The following GPALPP1 variants were observed in gnomAD, a reference collection of about 807,000 sequenced individuals.
GPALPP1 encodes GPALPP motifs containing 1, also known as GPALPP motifs-containing protein 1.
Under a neutral mutation model 38.9 loss-of-function variants are expected in GPALPP1, and 30 were observed. That is an observed-to-expected ratio of 0.77 (90% CI 0.58 to 1.05). The LOEUF (loss-of-function observed/expected upper bound fraction) is 1.05. Ranked by LOEUF, GPALPP1 falls within the 50% of genes least tolerant of loss-of-function variation. GPALPP1 has a pLI of 0.00. For synonymous variants in GPALPP1, 120 were observed against 139.2 expected (o/e 0.86, Z 0.97); for missense variants, 384 against 408.8 (o/e 0.94, Z 0.52).
At chr13:44,990,489 C>G (rs1872716121) in intron 1 of GPALPP1, 1 of 152,386 alleles carries the variant, frequency 6.6e-6, no homozygotes. Flanking sequence ...ATATTTAGTA[C>G]ACTGTATTTG....
At chr13:45,027,141 C>T (rs1875888935) in intron 7 of GPALPP1, among the ~76,000 whole-genome samples, 1 of 152,154 alleles carries the variant, frequency 6.6e-6, no homozygotes, top group Non-Finnish European at 1.5e-5. Context: ...TTTTCCATCT[C>T]CCTCCCTGCT....
chr13:45,029,544 A>G lies in GPALPP1; in HGVS notation c.*1541A>G, dbSNP rs1876084166. ...TGTGGTGTCTCACAAGTACCCTCTAAGGTCTGGTCAGGACTGACCACCAAA... is the reference window on the plus strand; with the variant it reads ...TGTGGTGTCTCACAAGTACCCTCTAGGGTCTGGTCAGGACTGACCACCAAA... On this transcript the variant is annotated 3_prime_UTR_variant, in exon 8 of 8. Coordinates refer to ENST00000379151, the MANE Select transcript of GPALPP1 (RefSeq NM_018559.5). 1 of 152,118 alleles carries G rather than the reference A, an allele frequency of 6.6e-6. No individual in the cohort carries two copies. The highest frequency in any genetic ancestry group is 6.6e-5 in the Admixed American group (1 of 15,266). The allele number at this position is 152,118 out of a possible 1,614,324, so 9.4% of individuals were successfully genotyped here.
intron 6 of GPALPP1, among the ~76,000 whole-genome samples, chr13:45,017,130 T>C (rs1304662658): frequency 6.6e-6 from 1 of 152,230 alleles, no homozygotes; most frequent in African/African-American, 2.4e-5. Flanking sequence ...ATGATCAATT[T>C]TCCTGTTTTG....
At chr13:44,995,807 C>G (rs569773346) in intron 1 of GPALPP1, among the ~76,000 whole-genome samples, 75 of 152,296 alleles carry the variant, frequency 4.9e-4, no homozygotes, top group Non-Finnish European at 1.0e-3. Flanking sequence ...TGAGATTCTG[C>G]ATTTCTGACA....
intron 1 of GPALPP1, among the ~76,000 whole-genome samples, chr13:44,998,026 CA>C (rs1873416370): frequency 6.6e-6 from 1 of 152,208 alleles, no homozygotes; most frequent in Admixed American, 6.5e-5. Flanking sequence ...CCCCAATCTG[CA>C]ACCTTGGCTT....
intron 1 of GPALPP1, chr13:44,990,538 A>G (rs900565467): frequency 3.9e-5 from 6 of 152,164 alleles, no homozygotes; most frequent in East Asian, 3.9e-4. Context: ...CCATTGCACT[A>G]TGGTCTTCTA....
Position 45,028,167 on chromosome 13 carries a change from G to T in GPALPP1, c.*164G>T. The T allele has an allele frequency of 2.5e-6, 1 of 394,208 alleles. No individual in the cohort carries two copies. The highest frequency in any genetic ancestry group is 4.3e-5 in the East Asian group (1 of 23,500). The allele number at this position is 394,208 out of a possible 1,614,324, so 24.4% of individuals were successfully genotyped here. ...GTGATTTTTGAAAAGTCAGCCTTGT[G>T]GGATGAAAAATATGTCTTACTGGAA... On this transcript the variant is annotated 3_prime_UTR_variant, in exon 8 of 8. Coordinates refer to ENST00000379151, the MANE Select transcript of GPALPP1 (RefSeq NM_018559.5).
At chr13:45,003,389 A>G (rs1409371330) in intron 1 of GPALPP1, among the ~76,000 whole-genome samples, 1 of 152,196 alleles carries the variant, frequency 6.6e-6, no homozygotes, top group Non-Finnish European at 1.5e-5. Flanking sequence ...TATAATATTG[A>G]ATGAATGGCA....
chr13:44,999,449 T>A (rs766846810), intron 1 of GPALPP1, among the ~76,000 whole-genome samples: 1 of 152,220 alleles, frequency 6.6e-6, no homozygotes, highest in Non-Finnish European at 1.5e-5. Context: ...AATAGTTCAT[T>A]ACATGTTCCC....
chr13:45,030,403 G>A (rs373670795), downstream of GPALPP1: 18 of 151,986 alleles, frequency 1.2e-4, no homozygotes, highest in Admixed American at 6.6e-4. Flanking sequence ...TTTGAGAGAT[G>A]GAGTCTTGCT....
At chr13:45,032,909 C>T (rs527445623), downstream of GPALPP1, among the ~76,000 whole-genome samples, 11 of 151,510 alleles carry the variant, frequency 7.3e-5, no homozygotes, top group South Asian at 2.1e-4. Flanking sequence ...TGGCGGTGTG[C>T]GCCTGTAGTC....
chr13:45,011,394 T>C (rs565728759), intron 4 of GPALPP1, among the ~76,000 whole-genome samples: 2 of 152,236 alleles, frequency 1.3e-5, no homozygotes, highest in Non-Finnish European at 2.9e-5. Flanking sequence ...ATACCCAAGA[T>C]TGCGTAATTT....
At chr13:45,012,602 G>A (rs1174717167) in intron 4 of GPALPP1, among the ~76,000 whole-genome samples, 1 of 152,144 alleles carries the variant, frequency 6.6e-6, no homozygotes, top group Non-Finnish European at 1.5e-5. Flanking sequence ...GTTAGCAAAT[G>A]AGTAGCTTAC....
At position 45,021,530 on chromosome 13, in the gene GPALPP1, A is replaced by G. The variant is rs183132788; in HGVS notation, c.804+1102A>G. ...CCAGATGTAGTGGCTCATGTCTATA[A>G]TCCCAGCACTTTGGAATGCTGAGGC... On this transcript the variant is annotated intron_variant, in intron 7 of 7. Transcript: ENST00000379151. Among the ~76,000 whole-genome samples, 8 of 152,212 alleles carry G rather than the reference A, an allele frequency of 5.3e-5. No individual in the cohort carries two copies. The East Asian group carries it at 1.4e-3, about 26-fold the overall frequency.
At chr13:45,021,958 A>G (rs916661794) in intron 7 of GPALPP1, among the ~76,000 whole-genome samples, 3 of 152,224 alleles carry the variant, frequency 2.0e-5, no homozygotes, top group Admixed American at 6.5e-5. Flanking sequence ...ATATCCACAC[A>G]AAGAGTTGAA....
chr13:45,014,584 TTG>T (rs951729919), intron 4 of GPALPP1, among the ~76,000 whole-genome samples: 8 of 151,758 alleles, frequency 5.3e-5, no homozygotes, highest in Non-Finnish European at 1.0e-4. Context: ...AAGAGTATGT[TTG>T]TGTGTGTGTG....
At chr13:45,011,473 C>T (rs773012019) in intron 4 of GPALPP1, among the ~76,000 whole-genome samples, 18 of 152,084 alleles carry the variant, frequency 1.2e-4, no homozygotes, top group Admixed American at 2.6e-4. Context: ...CCTACAATCA[C>T]GGTGGAAGGG....
At chr13:44,995,759 A>C (rs1873222777) in intron 1 of GPALPP1, among the ~76,000 whole-genome samples, 1 of 152,158 alleles carries the variant, frequency 6.6e-6, no homozygotes, top group Non-Finnish European at 1.5e-5. Flanking sequence ...AGATCTTGTT[A>C]AGATGCCAAC....
chr13:45,018,984 T>TAC (rs1329593100), intron 6 of GPALPP1, among the ~76,000 whole-genome samples: 1 of 89,216 alleles, frequency 1.1e-5, no homozygotes, highest in African/African-American at 2.9e-5. Flanking sequence ...TAAATATATA[T>TAC]ACATATAAAT....
Sources: allele counts gnomAD v4.1 joint callset (sites outside exome capture counted in the v4.1 genomes callset), GRCh38; gene constraint gnomAD v4.1.1; transcripts MANE v1.5; gene names NCBI Gene and HGNC (gene_info 2026-07-23, HGNC 2026-07-21).